The following FRMD3 variants were observed in gnomAD, a reference collection of about 807,000 sequenced individuals.
FRMD3 encodes the protein FERM domain containing 3.
Under a neutral mutation model 70.2 loss-of-function variants are expected in FRMD3, and 33 were observed. The observed-to-expected ratio is 0.47, with a 90% CI of 0.36 to 0.63. The LOEUF is 0.63. Among genes scored for constraint, FRMD3 ranks in the 20% least tolerant of loss-of-function variants. The pLI is 0.00. For synonymous variants in FRMD3, 279 were observed against 255.9 expected, an observed-to-expected ratio of 1.09 and a Z score of -0.86; for missense variants, 632 against 711.4, an observed-to-expected ratio of 0.89 and a Z score of 1.27.
At position 83,374,106 on chromosome 9, in the gene FRMD3, T is replaced by C. The variant is rs539091312; in HGVS notation, c.253-1151A>G. Among the ~76,000 whole-genome samples, 4 of 152,324 alleles carry C rather than the reference T, an allele frequency of 2.6e-5. No individual in the cohort carries two copies. In the South Asian group the frequency reaches 8.3e-4, roughly 32 times the overall value. On this transcript the variant is annotated intron_variant, in intron 2 of 13. Transcript: ENST00000304195. ...GGCTCAGGATGTTAAACAGCTTGAC[T>C]AAGGTCACTCTGCTGATAAACAGTG...
chr9:83,316,698 T>C (rs1835592408), intron 6 of FRMD3, among the ~76,000 whole-genome samples: 2 of 152,214 alleles, frequency 1.3e-5, no homozygotes, highest in Admixed American at 1.3e-4. Context: ...GCCATTTCTT[T>C]GATTCTTTTC....
intron 4 of FRMD3, among the ~76,000 whole-genome samples, chr9:83,346,251 A>C: frequency 9.8e-6 from 1 of 102,010 alleles, no homozygotes; most frequent in Admixed American, 1.2e-4. Context: ...GCAAGACGCC[A>C]TCTCAAAAAA....
chr9:83,483,589 A>G (rs1440129329), intron 1 of FRMD3, among the ~76,000 whole-genome samples: 1 of 152,162 alleles, frequency 6.6e-6, no homozygotes, highest in Non-Finnish European at 1.5e-5. Context: ...TTGTGGCACC[A>G]TGGACAGTGA....
chr9:83,507,148 G>A (rs958063361), intron 1 of FRMD3, among the ~76,000 whole-genome samples: 8 of 149,320 alleles, frequency 5.4e-5, no homozygotes, highest in Admixed American at 1.3e-4. Context: ...ATCACTTGAC[G>A]TCAGGAGTTC....
At chr9:83,479,030 A>G (rs1371280867) in intron 1 of FRMD3, among the ~76,000 whole-genome samples, 2 of 152,156 alleles carry the variant, frequency 1.3e-5, no homozygotes, top group Non-Finnish European at 2.9e-5. Context: ...TGAATAAACT[A>G]AGATTATTTA....
At chr9:83,438,231 C>T (rs551768562) in intron 1 of FRMD3, among the ~76,000 whole-genome samples, 1 of 152,278 alleles carries the variant, frequency 6.6e-6, no homozygotes, top group South Asian at 2.1e-4. Context: ...TATAACATTA[C>T]TCCAAAGAAA....
rs761983764 is a variant in FRMD3 at position 83,407,837 on chromosome 9, GTCTCTCTC to G, written c.148-18137_148-18130del. Among the ~76,000 whole-genome samples the G allele has an allele frequency of 1.2e-3, 126 of 103,648 alleles. 1 individual carries two copies. Among genetic ancestry groups the G allele is most frequent in the East Asian group, 4.5e-3 (13 of 2,868 alleles). 68.0% of individuals were successfully genotyped at this position (103,648 alleles called of 152,430 possible). A position where few individuals can be genotyped will look rare whatever the true frequency, so the allele number is the denominator to read the frequency against. On this transcript the variant is annotated intron_variant, in intron 1 of 13. Coordinates refer to ENST00000304195, the MANE Select transcript of FRMD3 (RefSeq NM_174938.6). ...GCCAGCAGAGGAGGGGGGTTGTTGAGTCTCTCTCTCTCTCTCTCTCTCTCTCTCTCTCT... is the reference window on the plus strand; with the variant it reads ...GCCAGCAGAGGAGGGGGGTTGTTGAGTCTCTCTCTCTCTCTCTCTCTCTCT...
At chr9:83,254,504 A>G (rs1481584048) in intron 13 of FRMD3, among the ~76,000 whole-genome samples, 1 of 151,986 alleles carries the variant, frequency 6.6e-6, no homozygotes, top group Non-Finnish European at 1.5e-5. Flanking sequence ...CAAACCCCAA[A>G]GCTAGCAGAA....
chr9:83,553,054 G>C, the FRMD3 span, among the ~76,000 whole-genome samples: 1 of 152,122 alleles, frequency 6.6e-6, no homozygotes, highest in African/African-American at 2.4e-5. Flanking sequence ...ATGTTGGCTT[G>C]TTAGTGTGGC....
At chr9:83,585,725 A>C in the FRMD3 span, among the ~76,000 whole-genome samples, 1 of 152,214 alleles carries the variant, frequency 6.6e-6, no homozygotes, top group Non-Finnish European at 1.5e-5. Flanking sequence ...CTCTTTATGC[A>C]AGTTAGAAAT....
intron 12 of FRMD3, among the ~76,000 whole-genome samples, chr9:83,291,453 C>T (rs925663243): frequency 1.3e-5 from 2 of 152,292 alleles, no homozygotes; most frequent in South Asian, 2.1e-4. Flanking sequence ...TTTGCACACC[C>T]TTCCTCACTC....
chr9:83,323,095 T>C (rs1564015062), intron 6 of FRMD3, among the ~76,000 whole-genome samples: 1 of 152,222 alleles, frequency 6.6e-6, no homozygotes, highest in Non-Finnish European at 1.5e-5. Context: ...GGAAATTTGG[T>C]GGAACTAATC....
chr9:83,532,832 C>T (rs1829817235), intron 1 of FRMD3, among the ~76,000 whole-genome samples: 1 of 152,178 alleles, frequency 6.6e-6, no homozygotes, highest in African/African-American at 2.4e-5. Context: ...GATAAAAAGG[C>T]AATGCATGAG....
intron 1 of FRMD3, among the ~76,000 whole-genome samples, chr9:83,443,473 T>A (rs1286448452): frequency 6.6e-6 from 1 of 152,222 alleles, no homozygotes; most frequent in East Asian, 1.9e-4. Context: ...CATGAACTCA[T>A]CCTTTTTTAT....
chr9:83,525,801 G>T (rs1408751984), intron 1 of FRMD3, among the ~76,000 whole-genome samples: 1 of 152,200 alleles, frequency 6.6e-6, no homozygotes, highest in Non-Finnish European at 1.5e-5. Context: ...TGGTTCAGGT[G>T]AGAGTTGCCT....
At chr9:83,310,413 A>C in intron 9 of FRMD3, 72 bp downstream of exon 9, 1 of 1,165,108 alleles carries the variant, frequency 8.6e-7, no homozygotes. Flanking sequence ...ACAATACTAA[A>C]GGCATATTTT....
At chr9:83,284,381 G>A (rs1348488039) in intron 13 of FRMD3, among the ~76,000 whole-genome samples, 3 of 152,110 alleles carry the variant, frequency 2.0e-5, no homozygotes, top group South Asian at 2.1e-4. Context: ...AGGCCGAGGC[G>A]GGCAGATCAC....
At position 83,382,971 on chromosome 9, in the gene FRMD3, C is replaced by T. The variant is rs562691017; in HGVS notation, c.252+6633G>A. 4.6e-4 allele frequency among the ~76,000 whole-genome samples: 70 copies of T among 152,308 alleles called. 1 individual carries two copies. The highest frequency in any genetic ancestry group is 1.5e-3 in the African/African-American group (64 of 41,574). ...TATCACTTTTCCCCCAAAACCTGTT[C>T]TCTTTCCTGTACAACTTATTTGGTA... On this transcript the variant is annotated intron_variant, in intron 2 of 13. Transcript: ENST00000304195.
intron 1 of FRMD3, among the ~76,000 whole-genome samples, chr9:83,446,837 C>A (rs535671787): frequency 6.6e-6 from 1 of 152,154 alleles, no homozygotes; most frequent in Admixed American, 6.5e-5. Flanking sequence ...GTATGGGGTG[C>A]TAAATTTACG....
Sources: allele counts gnomAD v4.1 joint callset (sites outside exome capture counted in the v4.1 genomes callset), GRCh38; gene constraint gnomAD v4.1.1; transcripts MANE v1.5; gene names NCBI Gene and HGNC (gene_info 2026-07-23, HGNC 2026-07-21).